Variants in ITGA5 observed in about 807,000 individuals in gnomAD.
ITGA5 encodes the protein integrin subunit alpha 5.
A neutral mutation model predicts 146.3 loss-of-function variants in ITGA5; 55 were observed. The ratio of observed to expected loss-of-function variants is 0.38; its 90% CI spans 0.30 to 0.47. ITGA5 has a LOEUF of 0.47. Ranked by LOEUF, ITGA5 falls within the 20% of genes least tolerant of loss-of-function variation. ITGA5 has a pLI of 0.99. For synonymous variants in ITGA5, 500 were observed against 531.8 expected (o/e 0.94, Z 0.82); for missense variants, 1,131 against 1,329.0 (o/e 0.85, Z 2.32).
In ITGA5 at chr12:54,409,394, T is replaced by C. The variant is rs1203216531; in HGVS notation, c.463-42A>G. The C allele has an allele frequency of 2.5e-6, 4 of 1,608,674 alleles. No homozygotes were observed. Among genetic ancestry groups the C allele is most frequent in the Non-Finnish European group, 3.4e-6 (4 of 1,177,566 alleles). ...GGAGGGGCCTTCAGATTCAGTCCAA[T>C]AAGGCCCTTCCTCCCTCCCTCCAGG... On this transcript the variant is annotated intron_variant, in intron 3 of 29. Transcript: ENST00000293379. The surrounding 1 kb of genome is among the most constrained non-coding windows in gnomAD (Gnocchi z 4.7).
In ITGA5 at chr12:54,408,739, G is replaced by A; in HGVS notation, c.691+17C>T. On this transcript the variant is annotated intron_variant, in intron 6 of 29. Transcript: ENST00000293379. ...AAAAAAAAAAAAAAAAAAAAGAATGGCAGAGACAGGACTTACCTTGCCAGA... is the reference window on the plus strand; with the variant it reads ...AAAAAAAAAAAAAAAAAAAAGAATGACAGAGACAGGACTTACCTTGCCAGA... The A allele has an allele frequency of 4.5e-6, 7 of 1,542,606 alleles. No individual in the cohort carries two copies. The highest frequency in any genetic ancestry group is 6.2e-6 in the Non-Finnish European group (7 of 1,121,338).
At chr12:54,397,585 C>T (rs1955728216) in intron 28 of ITGA5, 98 bp from the exon 29 acceptor site, 1 of 1,414,314 alleles carries the variant, frequency 7.1e-7, no homozygotes, top group African/African-American at 1.4e-5. Context: ...GCCCAGTGGG[C>T]TCCCCTTTCT....
chr12:54,400,259 C>A (rs2120481282), intron 25 of ITGA5: 1 of 340,192 alleles, frequency 2.9e-6, no homozygotes, highest in Admixed American at 4.4e-5. Context: ...TCAACCTTAT[C>A]TTTCAGGCCT....
At chr12:54,407,293 TAA>T (rs1948613384) in intron 9 of ITGA5, 1 of 272,420 alleles carries the variant, frequency 3.7e-6, no homozygotes, top group Non-Finnish European at 7.1e-6. Flanking sequence ...CTGTATCTTT[TAA>T]AAAGCACTTG....
At chr12:54,415,573 C>T (rs562929404) in intron 1 of ITGA5, among the ~76,000 whole-genome samples, 6 of 152,312 alleles carry the variant, frequency 3.9e-5, no homozygotes, top group South Asian at 4.1e-4. Context: ...CTGATTTCTA[C>T]GACAGCATTC....
chr12:54,411,973 G>T lies in ITGA5; in HGVS notation c.219-9C>A. The T allele has an allele frequency of 6.4e-7, 1 of 1,563,506 alleles. No homozygotes were observed. Among genetic ancestry groups the T allele is most frequent in the Non-Finnish European group, 8.6e-7 (1 of 1,156,412 alleles). ...CCACCAGCACACTGACCCTGTGGGG[G>T]GGAAAAGCGAGGCAGTTGAGGATGG... is the stretch of plus-strand genomic sequence containing the variant. On this transcript the variant is annotated splice_polypyrimidine_tract_variant and intron_variant, in intron 1 of 29. Transcript: ENST00000293379.
rs1316863597 is a variant in ITGA5 at position 54,409,298 on chromosome 12, C to T, written c.517G>A (p.Val173Met). Residue 173 changes from valine to methionine, a missense_variant, in exon 4 of 30, where the codon GTG (valine) becomes ATG (methionine). Physicochemically the swap from Val to Met is conservative, Grantham distance 21. This residue lies in a region of ITGA5 where 67 missense variants were observed against 128.2 expected (regional missense o/e 0.52). Transcript: ENST00000293379. The surrounding 1 kb of genome is among the most constrained non-coding windows in gnomAD (Gnocchi z 4.7). ...TCTGTGGAGAGGTAGCAGGTGCCCA[C>T]GGGGTCGCTCAGTGGCTCCTTCTCT... is the stretch of plus-strand genomic sequence containing the variant. ...RTEKEPLSDP[V>M]GTCYLSTDNF... is the part of the protein sequence containing the mutation. 1.2e-6 allele frequency: 2 copies of T among 1,613,954 alleles called. No homozygotes were observed. Among genetic ancestry groups the T allele is most frequent in the Admixed American group, 1.7e-5 (1 of 60,020 alleles).
At chr12:54,410,405 G>A (rs1449483817) in intron 2 of ITGA5, among the ~76,000 whole-genome samples, 1 of 150,040 alleles carries the variant, frequency 6.7e-6, no homozygotes, top group African/African-American at 2.5e-5. Context: ...GAGTGCAGTG[G>A]CGTGATTATG....
Position 54,399,896 on chromosome 12 carries a change from G to A in ITGA5, c.2695C>T (p.Arg899Cys), listed in dbSNP as rs749141980. The A allele has an allele frequency of 4.3e-6, 7 of 1,614,026 alleles. No individual in the cohort carries two copies. Among genetic ancestry groups the A allele is most frequent in the East Asian group, 4.5e-5 (2 of 44,898 alleles). ...TGAGGTCCCGAGGAAGCAGAGCTGCGGCTTGGAGCTTCCCGTTTTTGCTGG... is the reference window on the plus strand; with the variant it reads ...TGAGGTCCCGAGGAAGCAGAGCTGCAGCTTGGAGCTTCCCGTTTTTGCTGG... ...HHQQKREAPSRSSASSGPQIL... is the reference protein window; with the variant it reads ...HHQQKREAPSCSSASSGPQIL... The change falls in exon 26 of 30, where the codon CGC (arginine) becomes TGC (cysteine). Residue 899 changes from arginine (R) to cysteine (C), a missense_variant. Coordinates refer to ENST00000293379, the MANE Select transcript of ITGA5 (RefSeq NM_002205.5).
chr12:54,404,695 C>A lies in ITGA5; in HGVS notation c.1417+8G>T. On this transcript the variant is annotated splice_region_variant and intron_variant, in intron 13 of 29. Transcript: ENST00000293379. ...TTAAGGTGAAAAGGGGCCTCAGGCA[C>A]AACTCACCAGGATATCCATTGCCAT... 2 of 1,612,234 alleles carry A rather than the reference C, an allele frequency of 1.2e-6. No homozygotes were observed. Among genetic ancestry groups the A allele is most frequent in the Non-Finnish European group, 1.7e-6 (2 of 1,178,540 alleles).
chr12:54,396,447 A>C (rs538914627), intron 29 of ITGA5, 71 bp from the exon 30 acceptor site: 2 of 1,254,268 alleles, frequency 1.6e-6, no homozygotes, highest in East Asian at 4.7e-5. Context: ...TATTCCAAGA[A>C]GTAATAAGGA....
In ITGA5 at chr12:54,401,819, G is replaced by A. The variant is rs780724522; in HGVS notation, c.2263C>T (p.Arg755Trp). 19 of 1,613,988 alleles carry A rather than the reference G, an allele frequency of 1.2e-5. No individual in the cohort carries two copies. Among genetic ancestry groups the A allele is most frequent in the South Asian group, 2.2e-5 (2 of 91,090 alleles). The change falls in exon 22 of 30, where the codon CGG (arginine) becomes TGG (tryptophan). Residue 755 changes from arginine to tryptophan, a missense_variant. Arg to Trp is a moderately radical substitution (Grantham distance 101, BLOSUM62 -3). Transcript: ENST00000293379. The surrounding 1 kb of genome is among the most constrained non-coding windows in gnomAD (Gnocchi z 5.0). Reference sequence around the variant, plus strand: ...AACTGGATGGTTTTCTTAGTGTCCCGGAGATGAGGGACTGTAAACCGAAGG... The same window carrying A: ...AACTGGATGGTTTTCTTAGTGTCCCAGAGATGAGGGACTGTAAACCGAAGG... The part of the protein sequence containing the change: ...GGLRFTVPHL[R>W]DTKKTIQFDF...
rs954276748 is a variant in ITGA5 at position 54,408,686 on chromosome 12, GGTGACAGA to G, written c.691+62_691+69del. 4.2e-6 allele frequency: 6 copies of G among 1,430,296 alleles called. No homozygotes were observed. In the Admixed American group the frequency reaches 6.1e-5, roughly 15 times the overall value. 88.6% of individuals were successfully genotyped at this position (1,430,296 alleles called of 1,614,324 possible). A position where few individuals can be genotyped will look rare whatever the true frequency, so the allele number is the denominator to read the frequency against. ...GGTTGTGCCACTGCACTCCAGCCTG[GGTGACAGA>G]GTGAGACTTCGTCTCAAAAAAAAAA... On this transcript the variant is annotated intron_variant, in intron 6 of 29. Transcript: ENST00000293379.
At position 54,407,393 on chromosome 12, in the gene ITGA5, C is replaced by G. The variant is rs191393609; in HGVS notation, c.906+256G>C. ...CATGCATTTTCTCATTTCATCCTTGCCAGAGCCTCGTGAGGTCAGAACGAT... is the reference window on the plus strand; with the variant it reads ...CATGCATTTTCTCATTTCATCCTTGGCAGAGCCTCGTGAGGTCAGAACGAT... On this transcript the variant is annotated intron_variant, in intron 9 of 29. Coordinates refer to ENST00000293379, the MANE Select transcript of ITGA5 (RefSeq NM_002205.5). The G allele has an allele frequency of 9.4e-6, 5 of 529,962 alleles. No individual in the cohort carries two copies. In the East Asian group the frequency reaches 1.5e-4, roughly 16 times the overall value. 32.8% of individuals were successfully genotyped at this position (529,962 alleles called of 1,614,324 possible). A position where few individuals can be genotyped will look rare whatever the true frequency, so the allele number is the denominator to read the frequency against.
In ITGA5 at chr12:54,409,491, G is replaced by A; in HGVS notation, c.456C>T (p.Ser152=). 6.2e-7 allele frequency: 1 copy of A among 1,611,728 alleles called. No homozygotes were observed. The highest frequency in any genetic ancestry group is 8.5e-7 in the Non-Finnish European group (1 of 1,177,840). The part of the protein sequence containing the change: ...FGATVRAHGS[S]ILACAPLYSW... ...GAGCTTGCTGGCCCCTCACCAAGAT[G>A]GAGGAGCCATGGGCTCGAACTGTTG... is the stretch of plus-strand genomic sequence containing the variant. Residue 152 remains serine (S), a synonymous_variant, in exon 3 of 30, where the codon TCC becomes TCT. Transcript: ENST00000293379. This position sits in a 1 kb window ranked among gnomAD's most constrained non-coding sequence, Gnocchi z 4.7.
rs989661348 is a variant in ITGA5 at position 54,409,914 on chromosome 12, T to C, written c.350-317A>G. On this transcript the variant is annotated intron_variant, in intron 2 of 29. Coordinates refer to ENST00000293379, the MANE Select transcript of ITGA5 (RefSeq NM_002205.5). This position sits in a 1 kb window ranked among gnomAD's most constrained non-coding sequence, Gnocchi z 4.7. ...CTCTGTCACCCAGGCTGGAGTGCAG[T>C]AGCATGATCTCGGCTCAGTGCAACC... is the stretch of plus-strand genomic sequence containing the variant. Among the ~76,000 whole-genome samples, 1 of 151,670 alleles carries C rather than the reference T, an allele frequency of 6.6e-6. No homozygotes were observed. The highest frequency in any genetic ancestry group is 1.5e-5 in the Non-Finnish European group (1 of 67,934).
At chr12:54,406,868 T>C (rs899179719) in intron 9 of ITGA5, among the ~76,000 whole-genome samples, 5 of 152,196 alleles carry the variant, frequency 3.3e-5, no homozygotes, top group African/African-American at 1.2e-4. Context: ...GAGATTATTC[T>C]TTCCCCTAAA....
intron 1 of ITGA5, among the ~76,000 whole-genome samples, chr12:54,414,827 C>G (rs115882280): frequency 1.3e-5 from 2 of 148,630 alleles, no homozygotes; most frequent in Non-Finnish European, 3.0e-5. Flanking sequence ...AGTCCAGAGA[C>G]AGAGCGAGAC....
chr12:54,408,846 C>T (rs200583623), intron 5 of ITGA5, 45 bp from the exon 6 acceptor site: 23 of 1,613,378 alleles, frequency 1.4e-5, no homozygotes, highest in African/African-American at 1.3e-4. Context: ...CCCAATCCCC[C>T]CATGTCCACC....
Sources: gnomAD v4.1 joint callset for allele counts (sites outside exome capture counted in the v4.1 genomes callset) on GRCh38, gnomAD v4.1.1 for gene constraint, gnomAD v4.1.1 regional missense constraint, Gnocchi (gnomAD v3.1) non-coding constraint, MANE v1.5 for transcripts, NCBI Gene and HGNC (gene_info 2026-07-23, HGNC 2026-07-21) for gene names.